Variants in LINGO2 observed in about 807,000 individuals in gnomAD.
LINGO2 encodes leucine-rich repeat and immunoglobulin-like domain-containing nogo receptor-interacting protein 2.
LINGO2 carries 14 observed loss-of-function variants against 30.6 expected under a neutral mutation model. The ratio of observed to expected loss-of-function variants is 0.46; its 90% CI spans 0.30 to 0.72. The LOEUF (loss-of-function observed/expected upper bound fraction) is 0.72, where lower values mean the gene tolerates loss of function less well. Ranked by LOEUF, LINGO2 falls within the 30% of genes least tolerant of loss-of-function variation. The pLI, the probability that LINGO2 is intolerant of heterozygous loss-of-function variation, is 0.07. For synonymous variants in LINGO2, 317 were observed against 288.5 expected (o/e 1.10, Z -1.00); for missense variants, 729 against 751.7 (o/e 0.97, Z 0.35).
the LINGO2 span, among the ~76,000 whole-genome samples, chr9:28,769,410 TA>T: frequency 1.6e-3 from 203 of 126,750 alleles, 1 homozygote; most frequent in South Asian, 4.3e-3. Context: ...GACATTGGTC[TA>T]AAAAAAAAAA....
At chr9:28,884,606 T>C in the LINGO2 span, among the ~76,000 whole-genome samples, 10 of 151,190 alleles carry the variant, frequency 6.6e-5, no homozygotes, top group African/African-American at 1.7e-4. Flanking sequence ...AAATTGTAAG[T>C]TGACTGTGTT....
At chr9:28,809,048 C>A in the LINGO2 span, among the ~76,000 whole-genome samples, 1 of 152,150 alleles carries the variant, frequency 6.6e-6, no homozygotes, top group African/African-American at 2.4e-5. Flanking sequence ...ATATAGGGGG[C>A]ATGGCTTTGC....
At chr9:28,465,760 A>C (rs148970647) in intron 2 of LINGO2, among the ~76,000 whole-genome samples, 135 of 152,324 alleles carry the variant, frequency 8.9e-4, no homozygotes, top group African/African-American at 3.0e-3. Flanking sequence ...AAACAGCACT[A>C]TAGGAAAAAA....
At chr9:27,995,938 A>G (rs1821638620) in intron 5 of LINGO2, among the ~76,000 whole-genome samples, 1 of 152,118 alleles carries the variant, frequency 6.6e-6, no homozygotes, top group Non-Finnish European at 1.5e-5. Flanking sequence ...TGCAAATGAT[A>G]TGACCTTACA....
chr9:28,571,440 A>G (rs1823684661), intron 1 of LINGO2, among the ~76,000 whole-genome samples: 1 of 152,062 alleles, frequency 6.6e-6, no homozygotes, highest in East Asian at 1.9e-4. Context: ...ACACATAATA[A>G]TTATCGTTAT....
rs118118844 is a variant in LINGO2, at chr9:28,315,996, T to C, written c.-245-20630A>G. On this transcript the variant is annotated intron_variant, in intron 3 of 5. Transcript: ENST00000379992. ...AATTATCACTTACCTATGTGATTGTTGGCCAAGTCTCTAAACCTTTCTTTC... is the reference window on the plus strand; with the variant it reads ...AATTATCACTTACCTATGTGATTGTCGGCCAAGTCTCTAAACCTTTCTTTC... Among the ~76,000 whole-genome samples the C allele has an allele frequency of 4.3e-3, 654 of 152,296 alleles. 4 individuals are homozygous for C. Among genetic ancestry groups the C allele is most frequent in the Non-Finnish European group, 7.4e-3 (501 of 68,004 alleles).
intron 4 of LINGO2, among the ~76,000 whole-genome samples, chr9:28,150,915 C>T (rs572970430): frequency 6.6e-6 from 1 of 152,290 alleles, no homozygotes; most frequent in Non-Finnish European, 1.5e-5. Context: ...TGTCAGAGAG[C>T]TACTTCCTGA....
At chr9:29,098,677 T>C in the LINGO2 span, among the ~76,000 whole-genome samples, 828 of 152,122 alleles carry the variant, frequency 5.4e-3, 11 homozygotes, top group African/African-American at 0.019. Context: ...AGCTAGGTCA[T>C]GTAAGAACTT....
chr9:28,560,797 G>C (rs1163802046), intron 1 of LINGO2, among the ~76,000 whole-genome samples: 1 of 151,878 alleles, frequency 6.6e-6, no homozygotes, highest in Admixed American at 6.6e-5. Context: ...CTCCCAAGTA[G>C]CTGGAACCAC....
intron 4 of LINGO2, among the ~76,000 whole-genome samples, chr9:28,294,074 A>G (rs2134179516): frequency 6.6e-6 from 1 of 152,304 alleles, no homozygotes; most frequent in Non-Finnish European, 1.5e-5. Flanking sequence ...AAAATTTTTA[A>G]ATTTGTAGAT....
the LINGO2 span, among the ~76,000 whole-genome samples, chr9:28,869,457 GA>G: frequency 6.6e-6 from 1 of 152,044 alleles, no homozygotes; most frequent in Non-Finnish European, 1.5e-5. Context: ...AGGGGTCACA[GA>G]AAGAAGGCTA....
chr9:28,429,576 C>G (rs1201614414), intron 2 of LINGO2, among the ~76,000 whole-genome samples: 2 of 152,112 alleles, frequency 1.3e-5, no homozygotes, highest in Non-Finnish European at 1.5e-5. Flanking sequence ...CAACCACCCC[C>G]ACCTTTTTCA....
chr9:28,215,430 T>C (rs999008547), intron 4 of LINGO2, among the ~76,000 whole-genome samples: 7 of 151,790 alleles, frequency 4.6e-5, no homozygotes, highest in Admixed American at 4.6e-4. Flanking sequence ...GTTGCGCATA[T>C]AGCAGTGATA....
At chr9:28,024,088 C>T (rs563757246) in intron 4 of LINGO2, among the ~76,000 whole-genome samples, 1 of 152,280 alleles carries the variant, frequency 6.6e-6, no homozygotes, top group East Asian at 1.9e-4. Flanking sequence ...TCAGATTTTT[C>T]TAGTTTTAAG....
At chr9:27,980,180 G>C (rs544443017) in intron 5 of LINGO2, among the ~76,000 whole-genome samples, 5 of 152,048 alleles carry the variant, frequency 3.3e-5, no homozygotes, top group African/African-American at 1.2e-4. Context: ...ATAATGTATA[G>C]TAATGAAGCC....
intron 1 of LINGO2, among the ~76,000 whole-genome samples, chr9:28,636,841 C>A (rs1827303333): frequency 6.6e-6 from 1 of 152,140 alleles, no homozygotes; most frequent in Non-Finnish European, 1.5e-5. Flanking sequence ...TCCCATTTAT[C>A]AATTTTGGCT....
At chr9:28,097,362 GC>G (rs1347949071) in intron 4 of LINGO2, among the ~76,000 whole-genome samples, 3 of 150,670 alleles carry the variant, frequency 2.0e-5, no homozygotes, top group Non-Finnish European at 4.4e-5. Flanking sequence ...TACAAATCAT[GC>G]TGCTATAAAG....
chr9:28,339,008 C>A (rs1157404777), intron 3 of LINGO2, among the ~76,000 whole-genome samples: 1 of 152,044 alleles, frequency 6.6e-6, no homozygotes. Flanking sequence ...GAATGATACT[C>A]CCAAGTATTG....
At chr9:28,829,370 T>C in the LINGO2 span, among the ~76,000 whole-genome samples, 1 of 152,164 alleles carries the variant, frequency 6.6e-6, no homozygotes, top group African/African-American at 2.4e-5. Context: ...GAACTTAGGA[T>C]ACAGAAGGTT....
Sources: allele counts gnomAD v4.1 joint callset (sites outside exome capture counted in the v4.1 genomes callset), GRCh38; gene constraint gnomAD v4.1.1; transcripts MANE v1.5; gene names NCBI Gene and HGNC (gene_info 2026-07-23, HGNC 2026-07-21).